PRKN: variants seen among roughly 807,000 people sequenced by gnomAD.
PRKN encodes parkin RBR E3 ubiquitin protein ligase, also known as E3 ubiquitin-protein ligase parkin.
A neutral mutation model predicts 59.5 loss-of-function variants in PRKN; 56 were observed. The observed-to-expected ratio is 0.94, with a 90% CI of 0.76 to 1.18. The LOEUF is 1.18. Ranked by LOEUF, PRKN falls within the 50% of genes most tolerant of loss-of-function variation. The pLI is 0.00. For missense variants in PRKN, 657 were observed against 596.4 expected (o/e 1.10, Z -1.06); for synonymous variants, 250 against 222.1 (o/e 1.13, Z -1.12).
intron 2 of PRKN, among the ~76,000 whole-genome samples, chr6:162,318,926 T>C (rs1008421688): frequency 3.3e-5 from 5 of 152,034 alleles, no homozygotes; most frequent in Non-Finnish European, 7.4e-5. Flanking sequence ...AATAAACGGT[T>C]AAGTGTATTA....
chr6:162,134,151 G>T (rs2128308722), intron 4 of PRKN, among the ~76,000 whole-genome samples: 1 of 152,268 alleles, frequency 6.6e-6, no homozygotes, highest in East Asian at 1.9e-4. Context: ...TTGCAAGGGA[G>T]ACACATGGTC....
At chr6:162,322,323 G>A (rs12193354) in intron 2 of PRKN, among the ~76,000 whole-genome samples, 80,606 of 151,790 alleles carry the variant, frequency 0.53, 21,852 homozygotes, top group Middle Eastern at 0.6. Context: ...AAATGGAGCA[G>A]TATTTGCTCT....
At chr6:161,692,482 C>CT (rs1368255374) in intron 7 of PRKN, among the ~76,000 whole-genome samples, 1 of 152,088 alleles carries the variant, frequency 6.6e-6, no homozygotes, top group African/African-American at 2.4e-5. Flanking sequence ...AATTTAAAGT[C>CT]TTTTTTTGTG....
chr6:162,210,056 T>C (rs551936889), intron 3 of PRKN, among the ~76,000 whole-genome samples: 4 of 150,636 alleles, frequency 2.7e-5, no homozygotes, highest in Non-Finnish European at 5.9e-5. Flanking sequence ...TGTATATGTA[T>C]CAAACTGGTA....
At chr6:161,820,391 T>C (rs1791971512) in intron 6 of PRKN, among the ~76,000 whole-genome samples, 1 of 151,372 alleles carries the variant, frequency 6.6e-6, no homozygotes, top group African/African-American at 2.4e-5. Context: ...ATAAAATATA[T>C]GGGCAAAGAT....
intron 1 of PRKN, among the ~76,000 whole-genome samples, chr6:162,498,391 TCC>T (rs140007320): frequency 3.3e-4 from 30 of 90,132 alleles, no homozygotes; most frequent in Non-Finnish European, 6.5e-4. Flanking sequence ...TTTCTTTCTT[TCC>T]TTTTTTTTTT....
At chr6:161,856,621 T>A (rs1163380942) in intron 6 of PRKN, among the ~76,000 whole-genome samples, 2 of 152,294 alleles carry the variant, frequency 1.3e-5, no homozygotes, top group South Asian at 2.1e-4. Context: ...CAAATGTGTA[T>A]TCCCTTCTCC....
chr6:162,512,578 C>G (rs150754251), intron 1 of PRKN, among the ~76,000 whole-genome samples: 1 of 152,288 alleles, frequency 6.6e-6, no homozygotes, highest in Admixed American at 6.5e-5. Flanking sequence ...TAGTGTCCGT[C>G]ATAGGTGTTA....
At chr6:161,942,986 A>C (rs1779620588) in intron 6 of PRKN, among the ~76,000 whole-genome samples, 1 of 152,226 alleles carries the variant, frequency 6.6e-6, no homozygotes, top group South Asian at 2.1e-4. Context: ...AGAAATCTTT[A>C]TTCTTATCTG....
At chr6:162,096,882 G>A (rs1388841409) in intron 4 of PRKN, among the ~76,000 whole-genome samples, 1 of 84,344 alleles carries the variant, frequency 1.2e-5, no homozygotes, top group Non-Finnish European at 2.1e-5. Flanking sequence ...TTTTTTTTGA[G>A]ATGGAGTCTC....
At chr6:162,439,417 A>C (rs777445549) in intron 2 of PRKN, among the ~76,000 whole-genome samples, 1 of 136,472 alleles carries the variant, frequency 7.3e-6, no homozygotes, top group Non-Finnish European at 1.5e-5. Context: ...TTTTGTCTAT[A>C]TATGTTGACA....
intron 2 of PRKN, among the ~76,000 whole-genome samples, chr6:162,430,280 C>G (rs571233075): frequency 6.6e-6 from 1 of 152,164 alleles, no homozygotes; most frequent in East Asian, 1.9e-4. Flanking sequence ...CTCATTTAAC[C>G]CTTGTAGCAA....
intron 2 of PRKN, among the ~76,000 whole-genome samples, chr6:162,345,211 CATAG>C (rs1277522926): frequency 1.3e-5 from 2 of 152,182 alleles, no homozygotes; most frequent in East Asian, 1.9e-4. Flanking sequence ...ACTGAGAAAA[CATAG>C]ATAAATCACG....
chr6:162,179,535 C>A (rs1483421764), intron 4 of PRKN, among the ~76,000 whole-genome samples: 1 of 152,100 alleles, frequency 6.6e-6, no homozygotes, highest in East Asian at 1.9e-4. Context: ...TCCCTCTGGT[C>A]AGTTGAAAAA....
intron 1 of PRKN, among the ~76,000 whole-genome samples, chr6:162,552,831 G>A (rs1181258764): frequency 6.6e-6 from 1 of 152,094 alleles, no homozygotes; most frequent in East Asian, 1.9e-4. Context: ...AAGTTGTTCA[G>A]GTTCAAGCCA....
At chr6:161,747,495 T>C (rs1036865693) in intron 7 of PRKN, among the ~76,000 whole-genome samples, 1 of 152,170 alleles carries the variant, frequency 6.6e-6, no homozygotes, top group Non-Finnish European at 1.5e-5. Flanking sequence ...ACTTCAGAGT[T>C]GACTCATGAA....
intron 1 of PRKN, among the ~76,000 whole-genome samples, chr6:162,586,316 C>T (rs1237824323): frequency 1.3e-5 from 2 of 152,124 alleles, no homozygotes; most frequent in South Asian, 2.1e-4. Flanking sequence ...TTGGCATCTC[C>T]GAAGTTATTG....
chr6:162,002,443 CATA>C (rs1782094416), intron 5 of PRKN, among the ~76,000 whole-genome samples: 2 of 152,012 alleles, frequency 1.3e-5, no homozygotes, highest in Non-Finnish European at 1.5e-5. Flanking sequence ...TAGATTTGTT[CATA>C]ATATTCCTTT....
intron 1 of PRKN, among the ~76,000 whole-genome samples, chr6:162,556,197 C>T (rs939757887): frequency 6.6e-6 from 1 of 151,912 alleles, no homozygotes; most frequent in African/African-American, 2.4e-5. Context: ...TATTATAACT[C>T]GGAAAAAATC....
Sources: allele counts gnomAD v4.1 joint callset (sites outside exome capture counted in the v4.1 genomes callset), GRCh38; gene constraint gnomAD v4.1.1; transcripts MANE v1.5; gene names NCBI Gene and HGNC (gene_info 2026-07-23, HGNC 2026-07-21).